THSD4: variants seen among roughly 807,000 people sequenced by gnomAD.
THSD4 encodes the protein thrombospondin type-1 domain-containing protein 4.
A neutral mutation model predicts 119.0 loss-of-function variants in THSD4; 69 were observed. The observed-to-expected ratio is 0.58, with a 90% CI of 0.48 to 0.71. THSD4 has a LOEUF of 0.71. Ranked by LOEUF, THSD4 falls within the 30% of genes least tolerant of loss-of-function variation. The probability of loss-of-function intolerance (pLI) is 0.00; values close to 1 mark genes in which losing one functional copy is unlikely to be tolerated. For synonymous variants in THSD4, 524 were observed against 540.4 expected, an observed-to-expected ratio of 0.97 and a Z score of 0.42; for missense variants, 1,393 against 1,391.1, an observed-to-expected ratio of 1.00 and a Z score of -0.02.
chr15:71,634,585 A>G (rs183652950), intron 7 of THSD4, among the ~76,000 whole-genome samples: 48 of 152,344 alleles, frequency 3.2e-4, no homozygotes, highest in Non-Finnish European at 5.4e-4. Flanking sequence ...TCCCCAGGGC[A>G]TCAGTCACGC....
intron 8 of THSD4, among the ~76,000 whole-genome samples, chr15:71,686,555 A>C (rs963570716): frequency 6.6e-6 from 1 of 152,174 alleles, no homozygotes; most frequent in African/African-American, 2.4e-5. Context: ...AACACATGGG[A>C]TAGTGAGAGT....
intron 7 of THSD4, among the ~76,000 whole-genome samples, chr15:71,639,408 C>A (rs1264300325): frequency 6.6e-6 from 1 of 152,112 alleles, no homozygotes; most frequent in African/African-American, 2.4e-5. Context: ...CAATACAGGA[C>A]CAAAATGCAC....
At chr15:71,344,730 C>A (rs1210720439) in intron 6 of THSD4, among the ~76,000 whole-genome samples, 1 of 152,138 alleles carries the variant, frequency 6.6e-6, no homozygotes, top group Non-Finnish European at 1.5e-5. Flanking sequence ...TGTAGAAGCA[C>A]CAAATTGTAT....
chr15:71,148,401 C>A lies in THSD4; in HGVS notation c.30-6462C>A, dbSNP rs1242765081. Among the ~76,000 whole-genome samples the A allele has an allele frequency of 7.2e-5, 11 of 152,326 alleles. No homozygotes were observed. The East Asian group carries it at 2.1e-3, about 29-fold the overall frequency. ...GGCTGCTGTGCGCCGAAGACCTCCA[C>A]CTTGGGCTGCACAAATTGATTGATA... On this transcript the variant is annotated intron_variant, in intron 2 of 17. Coordinates refer to ENST00000261862, the MANE Select transcript of THSD4 (RefSeq NM_024817.3).
intron 2 of THSD4, among the ~76,000 whole-genome samples, chr15:71,151,649 T>C (rs1384679780): frequency 2.0e-5 from 3 of 152,188 alleles, no homozygotes; most frequent in Non-Finnish European, 4.4e-5. Flanking sequence ...AGAGGTCAAA[T>C]TGGATCCAGC....
At chr15:71,189,371 C>T (rs2043646705) in intron 3 of THSD4, among the ~76,000 whole-genome samples, 2 of 152,154 alleles carry the variant, frequency 1.3e-5, no homozygotes, top group African/African-American at 2.4e-5. Flanking sequence ...GCACCAGGTG[C>T]TTAAAAAATA....
At chr15:71,382,493 A>G (rs2046241008) in intron 6 of THSD4, among the ~76,000 whole-genome samples, 1 of 152,140 alleles carries the variant, frequency 6.6e-6, no homozygotes, top group Non-Finnish European at 1.5e-5. Context: ...TCTACATCTT[A>G]TCCATTTAGT....
intron 7 of THSD4, chr15:71,547,288 G>A: frequency 6.7e-7 from 1 of 1,487,486 alleles, no homozygotes. Flanking sequence ...GAGAGCCGAG[G>A]GAACCAGCGC....
chr15:71,685,554 G>A (rs2141039437), intron 8 of THSD4, among the ~76,000 whole-genome samples: 1 of 152,198 alleles, frequency 6.6e-6, no homozygotes, highest in African/African-American at 2.4e-5. Context: ...ATCTTTTAAT[G>A]TCTGGCCTAA....
intron 4 of THSD4, among the ~76,000 whole-genome samples, chr15:71,234,854 A>G (rs1156437664): frequency 6.6e-6 from 1 of 152,176 alleles, no homozygotes; most frequent in Non-Finnish European, 1.5e-5. Context: ...ACTGAAGTGC[A>G]CTGGCCAGTT....
intron 16 of THSD4, among the ~76,000 whole-genome samples, chr15:71,766,304 C>T (rs936001416): frequency 1.3e-5 from 2 of 151,994 alleles, no homozygotes; most frequent in Non-Finnish European, 2.9e-5. Flanking sequence ...TCCCAGGTGA[C>T]CATTGGCGTA....
chr15:71,437,106 A>G (rs193199449), intron 7 of THSD4, among the ~76,000 whole-genome samples: 6 of 137,460 alleles, frequency 4.4e-5, no homozygotes, highest in East Asian at 2.1e-4. Flanking sequence ...GAAGCTTACA[A>G]TTATGGTGGA....
At chr15:71,116,698 A>G (rs770054736) in intron 1 of THSD4, among the ~76,000 whole-genome samples, 2 of 152,104 alleles carry the variant, frequency 1.3e-5, no homozygotes, top group Non-Finnish European at 2.9e-5. Flanking sequence ...AGAGAGATCT[A>G]AGGAATCGCC....
chr15:71,395,751 A>C (rs909727116), intron 6 of THSD4, among the ~76,000 whole-genome samples: 3 of 151,792 alleles, frequency 2.0e-5, no homozygotes, highest in African/African-American at 7.3e-5. Flanking sequence ...CCCGACTCCC[A>C]AAAAAAAGAT....
chr15:71,317,787 T>G (rs571580009), intron 6 of THSD4, among the ~76,000 whole-genome samples: 3 of 152,352 alleles, frequency 2.0e-5, no homozygotes, highest in Non-Finnish European at 4.4e-5. Flanking sequence ...TATTGACATT[T>G]GACAAATTAC....
At chr15:71,533,164 G>A (rs1416699801) in intron 7 of THSD4, among the ~76,000 whole-genome samples, 1 of 152,182 alleles carries the variant, frequency 6.6e-6, no homozygotes, top group Non-Finnish European at 1.5e-5. Context: ...GCAAATCCCC[G>A]GTAATCTGAG....
intron 6 of THSD4, among the ~76,000 whole-genome samples, chr15:71,302,028 G>C (rs1486542722): frequency 6.6e-6 from 1 of 152,182 alleles, no homozygotes; most frequent in Non-Finnish European, 1.5e-5. Context: ...GTCTGCCTGT[G>C]GGAGCAAGCT....
chr15:71,411,298 A>G (rs780516838), intron 6 of THSD4, among the ~76,000 whole-genome samples: 1 of 152,190 alleles, frequency 6.6e-6, no homozygotes, highest in Non-Finnish European at 1.5e-5. Context: ...CTATCATCAA[A>G]TATGGGGAGA....
chr15:71,466,238 G>A (rs1382865660), intron 7 of THSD4, among the ~76,000 whole-genome samples: 1 of 151,756 alleles, frequency 6.6e-6, no homozygotes, highest in Non-Finnish European at 1.5e-5. Context: ...CCAGCTACTC[G>A]GGAGGCTGAG....
Sources: gnomAD v4.1 joint callset for allele counts (sites outside exome capture counted in the v4.1 genomes callset) on GRCh38, gnomAD v4.1.1 for gene constraint, MANE v1.5 for transcripts, NCBI Gene and HGNC (gene_info 2026-07-23, HGNC 2026-07-21) for gene names.